The following SARS2 variants were observed in gnomAD, a reference collection of about 807,000 sequenced individuals.
SARS2 encodes serine--tRNA ligase, mitochondrial.
In SARS2, 52 loss-of-function variants were observed where a neutral mutation model predicts 66.8. The ratio of observed to expected loss-of-function variants is 0.78; its 90% confidence interval spans 0.62 to 0.98. The LOEUF is 0.98. Ranked by LOEUF, SARS2 falls within the 50% of genes least tolerant of loss-of-function variation. The pLI is 0.00. For missense variants in SARS2, 673 were observed against 706.3 expected, an observed-to-expected ratio of 0.95 and a Z score of 0.53; for synonymous variants, 306 against 281.4, an observed-to-expected ratio of 1.09 and a Z score of -0.87.
intron 5 of SARS2, among the ~76,000 whole-genome samples, chr19:38,920,365 T>G (rs1974498263): frequency 1.3e-4 from 17 of 132,246 alleles, no homozygotes; most frequent in South Asian, 2.5e-4. Context: ...GGAGAGGAAA[T>G]GAGAGGAGGC....
In SARS2 at chr19:38,921,062, CAT is replaced by C. The variant is rs1361358300; in HGVS notation, c.589+328_589+329del. Among the ~76,000 whole-genome samples the C allele has an allele frequency of 5.4e-4, 53 of 98,020 alleles. 1 individual carries two copies. Among genetic ancestry groups the C allele is most frequent in the African/African-American group, 3.5e-3 (52 of 14,716 alleles). The allele number at this position is 98,020 out of a possible 152,430, so 64.3% of individuals were successfully genotyped here. On this transcript the variant is annotated intron_variant, in intron 5 of 15. Coordinates refer to ENST00000221431, the MANE Select transcript of SARS2 (RefSeq NM_017827.4). ...ACAGATACACAGATACAGACACACACATACAGATACAGACACACAGATACAGA... is the reference window on the plus strand; with the variant it reads ...ACAGATACACAGATACAGACACACACACAGATACAGACACACAGATACAGA...
At position 38,920,034 on chromosome 19, in the gene SARS2, C is replaced by G. The variant is rs74342480; in HGVS notation, c.653+52G>C. 12,593 of 1,496,930 alleles carry G rather than the reference C, an allele frequency of 8.4e-3. 63 individuals are homozygous for G. Among genetic ancestry groups the G allele is most frequent in the Non-Finnish European group, 0.01 (11,426 of 1,096,524 alleles). 92.7% of individuals were successfully genotyped at this position (1,496,930 alleles called of 1,614,324 possible). A position where few individuals can be genotyped will look rare whatever the true frequency, so the allele number is the denominator to read the frequency against. ...GGCCAATGAGGCAGGAGCCAGCTGT[C>G]GGGGTGCAGGCAGCTGGGAGAGGGG... On this transcript the variant is annotated intron_variant, in intron 6 of 15. Transcript: ENST00000221431.
chr19:38,930,626 C>G lies in SARS2; in HGVS notation c.111G>C (p.Glu37Asp). 1 of 1,614,154 alleles carries G rather than the reference C, an allele frequency of 6.2e-7. No individual in the cohort carries two copies. The highest frequency in any genetic ancestry group is 8.5e-7 in the Non-Finnish European group (1 of 1,180,022). Residue 37 changes from glutamate to aspartate, a missense_variant, in exon 1 of 16, where the codon GAG becomes GAC. By Grantham distance (45) the Glu-to-Asp change is conservative (BLOSUM62 2). Coordinates refer to ENST00000221431, the MANE Select transcript of SARS2 (RefSeq NM_017827.4). Reference protein sequence around the residue: ...NDSPRRSFTTEKRNRNLLYEY... With the variant: ...NDSPRRSFTTDKRNRNLLYEY... ...CGTACAGGAGGTTCCGGTTTCGTTT[C>G]TCTGTAGTGAAACTTCTCCTTGGAC...
intron 7 of SARS2, among the ~76,000 whole-genome samples, chr19:38,919,257 A>G (rs539641811): frequency 3.6e-4 from 55 of 152,362 alleles, no homozygotes; most frequent in Non-Finnish European, 6.5e-4. Context: ...ACTGTACTCC[A>G]GCCTGGGTGA....
Position 38,915,821 on chromosome 19 carries a change from TGGG to T in SARS2, c.1413+17_1413+19del, listed in dbSNP as rs1974402045. ...CCCGGCGCTGAGCTGCCTCTCTGGG[TGGG>T]CCCCTCAGCCCCTCACCTTCTGCTG... On this transcript the variant is annotated intron_variant, in intron 15 of 15. Transcript: ENST00000221431. 7 of 1,613,322 alleles carry T rather than the reference TGGG, an allele frequency of 4.3e-6. No homozygotes were observed. The highest frequency in any genetic ancestry group is 4.2e-6 in the Non-Finnish European group (5 of 1,179,950).
At chr19:38,919,649 G>T in intron 7 of SARS2, 113 bp downstream of exon 7, 1 of 819,696 alleles carries the variant, frequency 1.2e-6, no homozygotes, top group Non-Finnish European at 2.1e-6. Flanking sequence ...TACACATGAA[G>T]CTCTGAGAGC....
chr19:38,927,901 C>T (rs1352444677), intron 1 of SARS2, among the ~76,000 whole-genome samples: 3 of 151,500 alleles, frequency 2.0e-5, no homozygotes, highest in Non-Finnish European at 2.9e-5. Flanking sequence ...GGGGTGGAGG[C>T]GTGCGCCTGT....
At chr19:38,918,922 G>A (rs1418483765) in intron 7 of SARS2, 109 bp from the exon 8 acceptor site, 1 of 1,108,688 alleles carries the variant, frequency 9.0e-7, no homozygotes, top group Non-Finnish European at 1.3e-6. Context: ...ACGAAACTGA[G>A]GCAGGGGCTG....
At chr19:38,921,018 TACACAGATAC>T (rs1352478394) in intron 5 of SARS2, among the ~76,000 whole-genome samples, 11 of 27,490 alleles carry the variant, frequency 4.0e-4, no homozygotes, top group African/African-American at 8.0e-4. Context: ...CACACACAGA[TACACAGATAC>T]AGACACACAC....
intron 2 of SARS2, among the ~76,000 whole-genome samples, chr19:38,925,394 T>C (rs576379939): frequency 1.3e-5 from 2 of 152,300 alleles, no homozygotes; most frequent in East Asian, 3.9e-4. Flanking sequence ...CCTGGTAGCC[T>C]GTAGTTCAGG....
intron 5 of SARS2, among the ~76,000 whole-genome samples, chr19:38,920,870 C>T (rs1422165351): frequency 6.6e-6 from 1 of 151,310 alleles, no homozygotes; most frequent in East Asian, 1.9e-4. Flanking sequence ...CACACAGATA[C>T]ATAGACACAC....
intron 1 of SARS2, among the ~76,000 whole-genome samples, chr19:38,927,422 T>C (rs1974646690): frequency 6.6e-6 from 1 of 150,982 alleles, no homozygotes. Flanking sequence ...TAGCTGGGCA[T>C]GGTGGCACAT....
At chr19:38,927,775 C>T (rs1338900225) in intron 1 of SARS2, among the ~76,000 whole-genome samples, 1 of 151,552 alleles carries the variant, frequency 6.6e-6, no homozygotes, top group Non-Finnish European at 1.5e-5. Context: ...TGGCTCACAC[C>T]TGTAATCCCA....
Position 38,916,277 on chromosome 19 carries a change from C to T in SARS2, c.1198G>A (p.Ala400Thr), listed in dbSNP as rs1164866627. ...DMPTQELGLP[A>T]YRKFDIEAWM... Reference sequence around the variant, plus strand: ...GCCTCAATGTCAAACTTGCGGTAGGCGGGGAGGCCCAGTTCTTGGGTGGGC... The same window carrying T: ...GCCTCAATGTCAAACTTGCGGTAGGTGGGGAGGCCCAGTTCTTGGGTGGGC... Residue 400 changes from alanine to threonine, a missense_variant, in exon 13 of 16, where the codon GCC becomes ACC. Coordinates refer to ENST00000221431, the MANE Select transcript of SARS2 (RefSeq NM_017827.4). 14 of 1,613,862 alleles carry T rather than the reference C, an allele frequency of 8.7e-6. No homozygotes were observed. Among genetic ancestry groups the T allele is most frequent in the South Asian group, 1.1e-5 (1 of 91,080 alleles).
At position 38,920,092 on chromosome 19, in the gene SARS2, C is replaced by T. The variant is rs376033866; in HGVS notation, c.647G>A (p.Arg216His). Residue 216 changes from arginine (R) to histidine (H), a missense_variant, in exon 6 of 16, where the codon CGT becomes CAT. Arg to His is a conservative substitution (Grantham distance 29). Transcript: ENST00000221431. The part of the protein sequence containing the change: ...LEIGEKLDII[R>H]QKRLSHVSGH... Reference sequence around the variant, plus strand: ...AGCCAGGGGAGGGGCTCACTTCTGACGGATGATGTCGAGTTTCTCGCCAAT... The same window carrying T: ...AGCCAGGGGAGGGGCTCACTTCTGATGGATGATGTCGAGTTTCTCGCCAAT... 58 of 1,559,898 alleles carry T rather than the reference C, an allele frequency of 3.7e-5. No individual in the cohort carries two copies. The highest frequency in any genetic ancestry group is 1.8e-4 in the African/African-American group (13 of 73,578).
chr19:38,924,493 A>G (rs1974595799), intron 2 of SARS2, among the ~76,000 whole-genome samples: 1 of 152,172 alleles, frequency 6.6e-6, no homozygotes, highest in African/African-American at 2.4e-5. Flanking sequence ...TTGGTTGTCC[A>G]TGATGTAGAC....
At position 38,920,156 on chromosome 19, in the gene SARS2, G is replaced by C. The variant is rs1568425067; in HGVS notation, c.590-7C>G. 6.4e-7 allele frequency: 1 copy of C among 1,557,670 alleles called. No individual in the cohort carries two copies. Among genetic ancestry groups the C allele is most frequent in the Admixed American group, 1.9e-5 (1 of 51,626 alleles). On this transcript the variant is annotated splice_polypyrimidine_tract_variant and splice_region_variant and intron_variant, in intron 5 of 15. Coordinates refer to ENST00000221431, the MANE Select transcript of SARS2 (RefSeq NM_017827.4). ...CGAGGTTGGAAGGAGAAAACTGGAT[G>C]TGGGTGAAAAGCACCGGTGTAAGGC... is the stretch of plus-strand genomic sequence containing the variant.
intron 1 of SARS2, among the ~76,000 whole-genome samples, chr19:38,926,862 G>C (rs1600172307): frequency 6.6e-6 from 1 of 152,086 alleles, no homozygotes; most frequent in Non-Finnish European, 1.5e-5. Context: ...GCCTAGGTGG[G>C]AGGACTGCTT....
rs1555743011 is a variant in SARS2 at position 38,916,664 on chromosome 19, G to GGT, written c.1161-351_1161-350insAC. Among the ~76,000 whole-genome samples the GGT allele has an allele frequency of 2.1e-3, 277 of 133,816 alleles. 11 individuals are homozygous for GGT. The highest frequency in any genetic ancestry group is 2.8e-3 in the Non-Finnish European group (179 of 62,946). 87.8% of individuals were successfully genotyped at this position (133,816 alleles called of 152,430 possible). On this transcript the variant is annotated intron_variant, in intron 12 of 15. Coordinates refer to ENST00000221431, the MANE Select transcript of SARS2 (RefSeq NM_017827.4). ...CATTTGCACCTTCTAGGCACCCTCGGTTTTTTTTTTTTTTTTGAGACGGAG... is the reference window on the plus strand; with the variant it reads ...CATTTGCACCTTCTAGGCACCCTCGGGTTTTTTTTTTTTTTTTTGAGACGGAG...
Sources: allele counts gnomAD v4.1 joint callset (sites outside exome capture counted in the v4.1 genomes callset), GRCh38; gene constraint gnomAD v4.1.1; transcripts MANE v1.5; gene names NCBI Gene and HGNC (gene_info 2026-07-23, HGNC 2026-07-21).